CD84: variants seen among roughly 807,000 people sequenced by gnomAD.
The protein encoded by CD84 is CD84 molecule, also known as SLAM family member 5.
In CD84, 22 loss-of-function variants were observed where a neutral mutation model predicts 33.8. The ratio of observed to expected loss-of-function variants is 0.65; its 90% confidence interval spans 0.46 to 0.93. CD84 has a LOEUF of 0.93. Among genes scored for constraint, CD84 ranks in the 40% least tolerant of loss-of-function variants. The probability of loss-of-function intolerance (pLI) is 0.00; values close to 1 mark genes in which losing one functional copy is unlikely to be tolerated. For missense variants in CD84, 400 were observed against 397.6 expected, an observed-to-expected ratio of 1.01 and a Z score of -0.05; for synonymous variants, 154 against 145.2, an observed-to-expected ratio of 1.06 and a Z score of -0.44.
intron 1 of CD84, among the ~76,000 whole-genome samples, chr1:160,573,187 T>G (rs1657799758): frequency 6.6e-6 from 1 of 152,112 alleles, no homozygotes; most frequent in African/African-American, 2.4e-5. Context: ...GAAACCCATA[T>G]ATATAGATTG....
chr1:160,550,583 A>G, intron 5 of CD84: 1 of 979,370 alleles, frequency 1.0e-6, no homozygotes, highest in Non-Finnish European at 1.2e-6. Flanking sequence ...CCTGTTCACC[A>G]CGTTGGTAGT....
chr1:160,541,272 C>T lies in CD84; in HGVS notation c.*6984G>A, dbSNP rs568470248. The T allele has an allele frequency of 1.4e-4, 22 of 152,258 alleles. No individual in the cohort carries two copies. The highest frequency in any genetic ancestry group is 5.3e-4 in the African/African-American group (22 of 41,554). 9.4% of individuals were successfully genotyped at this position (152,258 alleles called of 1,614,324 possible). ...ATATATCTTATTGCAAACATGACAC[C>T]TAGCTTCTGGAATACGGTTAGTGGC... is the stretch of plus-strand genomic sequence containing the variant. On this transcript the variant is annotated 3_prime_UTR_variant, in exon 7 of 7. Transcript: ENST00000368054.
At chr1:160,577,464 T>A (rs1162606637) in intron 1 of CD84, among the ~76,000 whole-genome samples, 1 of 152,216 alleles carries the variant, frequency 6.6e-6, no homozygotes, top group East Asian at 1.9e-4. Context: ...TTCACTTTTA[T>A]AAAAACAAGC....
chr1:160,542,838 C>A lies in CD84; in HGVS notation c.*5418G>T, dbSNP rs1403913489. 1 of 152,214 alleles carries A rather than the reference C, an allele frequency of 6.6e-6. No homozygotes were observed. The highest frequency in any genetic ancestry group is 1.5e-5 in the Non-Finnish European group (1 of 68,048). 9.4% of individuals were successfully genotyped at this position (152,214 alleles called of 1,614,324 possible). On this transcript the variant is annotated 3_prime_UTR_variant, in exon 7 of 7. Coordinates refer to ENST00000368054, the MANE Select transcript of CD84 (RefSeq NM_003874.4). ...ATGGTCCTTTGTCGAAATGTATTAA[C>A]ACTTTCATATGTTTTGAAAAATTAC...
At chr1:160,567,918 AC>A (rs1470632198) in intron 1 of CD84, among the ~76,000 whole-genome samples, 2 of 152,062 alleles carry the variant, frequency 1.3e-5, no homozygotes, top group Non-Finnish European at 2.9e-5. Context: ...ATTCAAAAGG[AC>A]CCTGAACTGG....
intron 1 of CD84, among the ~76,000 whole-genome samples, chr1:160,575,076 C>G (rs1282401026): frequency 6.6e-6 from 1 of 152,162 alleles, no homozygotes; most frequent in African/African-American, 2.4e-5. Flanking sequence ...CCTCCACCCC[C>G]TTACTTTCTT....
intron 1 of CD84, among the ~76,000 whole-genome samples, chr1:160,572,899 G>T (rs1657781504): frequency 6.6e-6 from 1 of 152,146 alleles, no homozygotes. Context: ...CAGGGAGCAG[G>T]ATGACCAGTG....
intron 6 of CD84, among the ~76,000 whole-genome samples, 155 bp downstream of exon 6, chr1:160,549,762 G>A (rs1479975365): frequency 6.6e-6 from 1 of 152,162 alleles, no homozygotes; most frequent in Non-Finnish European, 1.5e-5. Flanking sequence ...TTGTGCATGG[G>A]TGGAAGTACA....
chr1:160,557,086 C>T (rs951879989), intron 2 of CD84, among the ~76,000 whole-genome samples: 9 of 152,076 alleles, frequency 5.9e-5, no homozygotes, highest in African/African-American at 2.2e-4. Context: ...TACTTTAAGG[C>T]AGGCACTATA....
rs1319254009 is a variant in CD84 at position 160,541,524 on chromosome 1, T to C, written c.*6732A>G. On this transcript the variant is annotated 3_prime_UTR_variant, in exon 7 of 7. Coordinates refer to ENST00000368054, the MANE Select transcript of CD84 (RefSeq NM_003874.4). ...CTCTGTACTTGTGTGCCAAATGCTG[T>C]AAAAGTATAAATAGAGGGCAATATA... 8 of 152,174 alleles carry C rather than the reference T, an allele frequency of 5.3e-5. No individual in the cohort carries two copies. The highest frequency in any genetic ancestry group is 1.2e-4 in the Non-Finnish European group (8 of 68,032). The allele number at this position is 152,174 out of a possible 1,614,324, so 9.4% of individuals were successfully genotyped here. A position where few individuals can be genotyped will look rare whatever the true frequency, so the allele number is the denominator to read the frequency against.
In CD84 at chr1:160,576,344, A is replaced by G. The variant is rs186043657; in HGVS notation, c.46+3048T>C. 4.2e-3 allele frequency among the ~76,000 whole-genome samples: 640 copies of G among 152,346 alleles called. 4 individuals are homozygous for G. Among genetic ancestry groups the G allele is most frequent in the African/African-American group, 0.014 (602 of 41,568 alleles). ...ATATTGGACTTTTATTTGTTTAAAGAAACTAATTCAAATCACATTTGAATA... is the reference window on the plus strand; with the variant it reads ...ATATTGGACTTTTATTTGTTTAAAGGAACTAATTCAAATCACATTTGAATA... On this transcript the variant is annotated intron_variant, in intron 1 of 6. Coordinates refer to ENST00000368054, the MANE Select transcript of CD84 (RefSeq NM_003874.4).
In CD84 at chr1:160,548,337, G is replaced by A. The variant is rs763447609; in HGVS notation, c.922-16C>T. 3.1e-6 allele frequency: 5 copies of A among 1,613,972 alleles called. No homozygotes were observed. Among genetic ancestry groups the A allele is most frequent in the Non-Finnish European group, 4.2e-6 (5 of 1,179,966 alleles). ...CTTTCCCCATCTGTGCAGGAGAGAA[G>A]CGTGAGAAAATGTTAACTGAGAGGT... On this transcript the variant is annotated splice_polypyrimidine_tract_variant and intron_variant, in intron 6 of 6. Transcript: ENST00000368054.
At chr1:160,552,438 A>G (rs2102135300) in intron 4 of CD84, among the ~76,000 whole-genome samples, 1 of 152,296 alleles carries the variant, frequency 6.6e-6, no homozygotes, top group South Asian at 2.1e-4. Flanking sequence ...CTTACTATGT[A>G]CTGGGAATTG....
rs1021014022 is a variant in CD84, at chr1:160,543,265, G to A, written c.*4991C>T. On this transcript the variant is annotated 3_prime_UTR_variant, in exon 7 of 7. Transcript: ENST00000368054. ...TAGATATTTGTGGTCCACCTATTAT[G>A]TGTCAAGCAAAGTGCCAGGTGTGTG... The A allele has an allele frequency of 6.6e-6, 1 of 152,170 alleles. No homozygotes were observed. The allele number at this position is 152,170 out of a possible 1,614,324, so 9.4% of individuals were successfully genotyped here.
chr1:160,550,503 C>T, intron 5 of CD84: 1 of 442,764 alleles, frequency 2.3e-6, no homozygotes, highest in Non-Finnish European at 3.0e-6. Flanking sequence ...CAAGCCGCTG[C>T]TGCTAGACCA....
chr1:160,565,551 A>C lies in CD84; in HGVS notation c.241T>G (p.Tyr81Asp), dbSNP rs753414094. Reference protein sequence around the residue: ...APVVTVTHRNYYERIHALGPN... With the variant: ...APVVTVTHRNDYERIHALGPN... ...CCTAAGGCATGTATCCGTTCATAATAATTTCTGTGGGTCACAGTAACTACG... is the reference window on the plus strand; with the variant it reads ...CCTAAGGCATGTATCCGTTCATAATCATTTCTGTGGGTCACAGTAACTACG... The change falls in exon 2 of 7, where the codon TAT becomes GAT. Residue 81 changes from tyrosine (Y) to aspartate (D), a missense_variant. Tyr to Asp is a radical substitution (Grantham distance 160). Coordinates refer to ENST00000368054, the MANE Select transcript of CD84 (RefSeq NM_003874.4). The C allele has an allele frequency of 3.7e-6, 6 of 1,613,858 alleles. No homozygotes were observed. The highest frequency in any genetic ancestry group is 3.3e-5 in the Admixed American group (2 of 59,978).
chr1:160,567,543 A>G (rs77757824), intron 1 of CD84, among the ~76,000 whole-genome samples: 30 of 152,294 alleles, frequency 2.0e-4, no homozygotes, highest in African/African-American at 6.0e-4. Flanking sequence ...TTAACTGCTA[A>G]TTATGTGTCA....
chr1:160,548,703 A>G (rs945165369), intron 6 of CD84, among the ~76,000 whole-genome samples: 26 of 152,130 alleles, frequency 1.7e-4, no homozygotes, highest in Admixed American at 9.8e-4. Flanking sequence ...TTTCACCTAT[A>G]CATAGTGGGG....
Position 160,553,435 on chromosome 1 carries a change from G to T in CD84, c.703C>A (p.Leu235Met), listed in dbSNP as rs1165653138. ...GLLSVLAMFF[L>M]LVLILSSVFL... ...ACTGAAGACAGAATGAGAACAAGCA[G>T]AAAGAACATAGCCAGCACGCTCAGC... Residue 235 changes from leucine (L) to methionine (M), a missense_variant, in exon 4 of 7, where the codon CTG becomes ATG. Coordinates refer to ENST00000368054, the MANE Select transcript of CD84 (RefSeq NM_003874.4). The T allele has an allele frequency of 1.9e-6, 3 of 1,614,114 alleles. No individual in the cohort carries two copies. The highest frequency in any genetic ancestry group is 2.5e-6 in the Non-Finnish European group (3 of 1,180,010).
Sources: allele counts gnomAD v4.1 joint callset (sites outside exome capture counted in the v4.1 genomes callset), GRCh38; gene constraint gnomAD v4.1.1; transcripts MANE v1.5; gene names NCBI Gene and HGNC (gene_info 2026-07-23, HGNC 2026-07-21).